FBXO15: variants seen among roughly 807,000 people sequenced by gnomAD.
The protein encoded by FBXO15 is F-box only protein 15.
FBXO15 carries 30 observed loss-of-function variants against 49.5 expected under a neutral mutation model. The observed-to-expected ratio is 0.61, with a 90% CI of 0.45 to 0.82. The LOEUF is 0.82. FBXO15 is among the 40% of genes least tolerant of loss of function. The probability of loss-of-function intolerance (pLI) is 0.00; values close to 1 mark genes in which losing one functional copy is unlikely to be tolerated. For missense variants in FBXO15, 591 were observed against 631.5 expected, an observed-to-expected ratio of 0.94 and a Z score of 0.69; for synonymous variants, 250 against 232.7, an observed-to-expected ratio of 1.07 and a Z score of -0.68.
chr18:74,135,478 G>C (rs1014180751), intron 3 of FBXO15, among the ~76,000 whole-genome samples: 5 of 152,158 alleles, frequency 3.3e-5, no homozygotes, highest in Non-Finnish European at 7.3e-5. Flanking sequence ...TGATTCTGTG[G>C]GGAATACAGC....
chr18:74,122,338 C>T (rs112658030), intron 8 of FBXO15, among the ~76,000 whole-genome samples: 3,880 of 152,332 alleles, frequency 0.025, 171 homozygotes, highest in African/African-American at 0.086. Context: ...AGGCAGCAAG[C>T]CCCTTGTGCT....
chr18:74,098,385 G>A (rs568251033), intron 8 of FBXO15: 1 of 151,912 alleles, frequency 6.6e-6, no homozygotes, highest in African/African-American at 2.4e-5. Flanking sequence ...AGAAATGAGG[G>A]GGGAAATCTT....
chr18:74,103,519 A>G (rs549068651), intron 8 of FBXO15, among the ~76,000 whole-genome samples: 175 of 152,008 alleles, frequency 1.2e-3, no homozygotes, highest in African/African-American at 4.0e-3. Flanking sequence ...GTACAAGAAT[A>G]CTAGACAACA....
chr18:74,103,596 C>T (rs1913618174), intron 8 of FBXO15, among the ~76,000 whole-genome samples: 1 of 152,036 alleles, frequency 6.6e-6, no homozygotes, highest in African/African-American at 2.4e-5. Context: ...AAAGGTCAAG[C>T]ACAAAGAGAG....
At chr18:74,145,612 T>C (rs962957324) in intron 1 of FBXO15, among the ~76,000 whole-genome samples, 1 of 147,816 alleles carries the variant, frequency 6.8e-6, no homozygotes, top group Non-Finnish European at 1.5e-5. Flanking sequence ...TTTTTTTTTT[T>C]TTTGCGACAG....
In FBXO15 at chr18:74,147,744, G is replaced by A. The variant is rs770311502; in HGVS notation, c.42C>T (p.Leu14=). The change falls in exon 1 of 10, where the codon CTC becomes CTT. Residue 14 remains leucine, a synonymous_variant. Transcript: ENST00000419743. ...TGGGCCCGCGCAGCGTCTGGAGGCC[G>A]AGCCAGTGCTGCTGCAAGATCCGAC... ...GRGRILQQHW[L]GLQTLRGPSR... is the part of the protein sequence containing the mutation. The A allele has an allele frequency of 1.3e-6, 2 of 1,536,990 alleles. No individual in the cohort carries two copies. Among genetic ancestry groups the A allele is most frequent in the South Asian group, 1.2e-5 (1 of 83,232 alleles).
At chr18:74,119,927 C>A (rs192535662) in intron 8 of FBXO15, among the ~76,000 whole-genome samples, 3 of 152,260 alleles carry the variant, frequency 2.0e-5, no homozygotes, top group East Asian at 3.9e-4. Flanking sequence ...CTGTGGAAAT[C>A]GCATCTTGTT....
chr18:74,073,437 A>G lies in FBXO15; in HGVS notation c.*24T>C. ...CCAGTCAAAAATAAACAACTAAATA[A>G]CAACAATAATTTGCCACCTACTGCT... On this transcript the variant is annotated 3_prime_UTR_variant, in exon 10 of 10. Transcript: ENST00000419743. 1 of 1,598,564 alleles carries G rather than the reference A, an allele frequency of 6.3e-7. No homozygotes were observed. Among genetic ancestry groups the G allele is most frequent in the Non-Finnish European group, 8.5e-7 (1 of 1,172,362 alleles).
chr18:74,105,768 A>G (rs113961281), intron 8 of FBXO15, among the ~76,000 whole-genome samples: 2,864 of 152,170 alleles, frequency 0.019, 100 homozygotes, highest in African/African-American at 0.062. Context: ...TTTAAATGCA[A>G]TATGTGTGAA....
At chr18:74,093,370 G>A (rs2145130378) in intron 8 of FBXO15, among the ~76,000 whole-genome samples, 1 of 152,226 alleles carries the variant, frequency 6.6e-6, no homozygotes, top group East Asian at 1.9e-4. Flanking sequence ...GGGCCACTCT[G>A]CTGGAGCTCT....
chr18:74,109,899 A>G (rs1314642354), intron 8 of FBXO15, among the ~76,000 whole-genome samples: 1 of 152,134 alleles, frequency 6.6e-6, no homozygotes, highest in Non-Finnish European at 1.5e-5. Context: ...TGATGAGTGC[A>G]GCAAACCAAC....
chr18:74,087,234 C>A (rs1017084531), intron 8 of FBXO15, among the ~76,000 whole-genome samples: 2 of 152,112 alleles, frequency 1.3e-5, no homozygotes, highest in African/African-American at 4.8e-5. Flanking sequence ...GTGGCTGTGG[C>A]ATTTTTTTAA....
At position 74,147,814 on chromosome 18, in the gene FBXO15, G is replaced by T. The variant is rs538140212; in HGVS notation, c.-29C>A. 11 of 1,491,916 alleles carry T rather than the reference G, an allele frequency of 7.4e-6. No homozygotes were observed. In the East Asian group the frequency reaches 8.0e-5, roughly 11 times the overall value. The allele number at this position is 1,491,916 out of a possible 1,614,324, so 92.4% of individuals were successfully genotyped here. ...GACAAGGAGTTCACCACAGGACCGC[G>T]CCAGGGCTGAAACGAAGAGTGCACG... On this transcript the variant is annotated 5_prime_UTR_variant, in exon 1 of 10. Transcript: ENST00000419743.
At chr18:74,141,944 A>G (rs922156477) in intron 1 of FBXO15, among the ~76,000 whole-genome samples, 1 of 152,186 alleles carries the variant, frequency 6.6e-6, no homozygotes, top group Non-Finnish European at 1.5e-5. Context: ...TCTAGAAAAA[A>G]GCACAGTAGC....
chr18:74,147,339 G>T (rs1228322033), intron 1 of FBXO15, among the ~76,000 whole-genome samples: 1 of 152,100 alleles, frequency 6.6e-6, no homozygotes, highest in East Asian at 1.9e-4. Context: ...CGAAGGCAGG[G>T]GCGGAGCACA....
At chr18:74,124,131 C>T (rs1914597871) in intron 7 of FBXO15, among the ~76,000 whole-genome samples, 1 of 152,204 alleles carries the variant, frequency 6.6e-6, no homozygotes. Context: ...ACAGAATCAT[C>T]CGCAGGCCAG....
chr18:74,124,272 T>C (rs1294642648), intron 7 of FBXO15, among the ~76,000 whole-genome samples: 3 of 152,214 alleles, frequency 2.0e-5, no homozygotes, highest in Non-Finnish European at 4.4e-5. Context: ...AACAACCTAC[T>C]AGGTACAAAT....
chr18:74,137,741 T>C (rs1373309323), intron 2 of FBXO15, among the ~76,000 whole-genome samples: 1 of 152,136 alleles, frequency 6.6e-6, no homozygotes, highest in East Asian at 1.9e-4. Flanking sequence ...GATAGGGAGA[T>C]AAGGGAAAGG....
intron 8 of FBXO15, among the ~76,000 whole-genome samples, chr18:74,119,299 G>A (rs948186988): frequency 8.5e-5 from 13 of 152,184 alleles, no homozygotes; most frequent in African/African-American, 3.1e-4. Flanking sequence ...AGGCCCAGAA[G>A]AGTCTATCTA....
Sources: allele counts gnomAD v4.1 joint callset (sites outside exome capture counted in the v4.1 genomes callset), GRCh38; gene constraint gnomAD v4.1.1; transcripts MANE v1.5; gene names NCBI Gene and HGNC (gene_info 2026-07-23, HGNC 2026-07-21).